PDE8B: variants seen among roughly 807,000 people sequenced by gnomAD.
PDE8B encodes the protein phosphodiesterase 8B.
A neutral mutation model predicts 101.3 loss-of-function variants in PDE8B; 26 were observed. That is an observed-to-expected ratio of 0.26 (90% CI 0.19 to 0.36). The LOEUF (loss-of-function observed/expected upper bound fraction) is 0.36, where lower values mean the gene tolerates loss of function less well. Among genes scored for constraint, PDE8B ranks in the 10% least tolerant of loss-of-function variants. The pLI is 1.00. For synonymous variants in PDE8B, 424 were observed against 429.3 expected (o/e 0.99, Z 0.15); for missense variants, 810 against 1,163.1 (o/e 0.70, Z 4.42).
chr5:77,154,275 T>TATC, the PDE8B span, among the ~76,000 whole-genome samples: 2 of 152,244 alleles, frequency 1.3e-5, no homozygotes, highest in Non-Finnish European at 2.9e-5. Flanking sequence ...TCTGAAATGC[T>TATC]ATCAGATATT....
chr5:77,128,220 C>A, the PDE8B span, among the ~76,000 whole-genome samples: 15 of 152,190 alleles, frequency 9.9e-5, no homozygotes, highest in Non-Finnish European at 1.9e-4. Flanking sequence ...CAGGTGAGAA[C>A]CTTAATTGTG....
the PDE8B span, among the ~76,000 whole-genome samples, chr5:77,123,629 C>T: frequency 6.6e-6 from 1 of 151,990 alleles, no homozygotes; most frequent in African/African-American, 2.4e-5. Flanking sequence ...TGTGGTGGTG[C>T]ACACCTGTGG....
intron 1 of PDE8B, among the ~76,000 whole-genome samples, chr5:77,283,032 A>T (rs1765326606): frequency 6.6e-6 from 1 of 152,172 alleles, no homozygotes; most frequent in Non-Finnish European, 1.5e-5. Context: ...CAATCTTATT[A>T]AATTCCCTGT....
intron 1 of PDE8B, among the ~76,000 whole-genome samples, chr5:77,239,404 G>T (rs779959094): frequency 2.0e-5 from 3 of 152,162 alleles, no homozygotes; most frequent in Non-Finnish European, 4.4e-5. Flanking sequence ...TTTAGTGTTA[G>T]ATCCATATAT....
Position 77,211,934 on chromosome 5 carries a change from G to A in PDE8B, c.339+670G>A. On this transcript the variant is annotated intron_variant, in intron 1 of 21. Transcript: ENST00000264917. This position sits in a 1 kb window ranked among gnomAD's most constrained non-coding sequence, Gnocchi z 4.1. The stretch of plus-strand genomic sequence containing the variant: ...TTCGGAGTGTCAGCAGAGCCACCGT[G>A]AGGGGACGTGGTTTCCAGTGCAGTA... Among the ~76,000 whole-genome samples, 1 of 152,304 alleles carries A rather than the reference G, an allele frequency of 6.6e-6. No individual in the cohort carries two copies. Among genetic ancestry groups the A allele is most frequent in the East Asian group, 1.9e-4 (1 of 5,182 alleles).
chr5:77,087,176 T>C, the PDE8B span: 1 of 152,346 alleles, frequency 6.6e-6, no homozygotes, highest in Non-Finnish European at 1.5e-5. Context: ...TAGATCCCCC[T>C]CCAGGCGCCT....
chr5:77,393,334 C>G (rs1054731449), intron 10 of PDE8B, among the ~76,000 whole-genome samples: 1 of 151,310 alleles, frequency 6.6e-6, no homozygotes, highest in African/African-American at 2.4e-5. Flanking sequence ...GCAGAAGTTG[C>G]AGTGAGCCAA....
At chr5:77,275,610 T>A (rs982872205) in intron 1 of PDE8B, among the ~76,000 whole-genome samples, 19 of 152,130 alleles carry the variant, frequency 1.2e-4, no homozygotes, top group Admixed American at 1.2e-3. Flanking sequence ...ACTCAAGAAG[T>A]TATGGATTTG....
intron 1 of PDE8B, among the ~76,000 whole-genome samples, chr5:77,297,360 CT>C (rs1768829483): frequency 6.6e-6 from 1 of 152,196 alleles, no homozygotes; most frequent in Non-Finnish European, 1.5e-5. Flanking sequence ...CACTCATCAT[CT>C]TTTGTCAACA....
intron 1 of PDE8B, among the ~76,000 whole-genome samples, chr5:77,213,428 A>T (rs1748927562): frequency 6.6e-6 from 1 of 152,230 alleles, no homozygotes; most frequent in African/African-American, 2.4e-5. Flanking sequence ...GAACTGCCCT[A>T]ATATATTTAA....
At chr5:77,127,136 T>G in the PDE8B span, among the ~76,000 whole-genome samples, 2 of 152,200 alleles carry the variant, frequency 1.3e-5, no homozygotes, top group African/African-American at 4.8e-5. Context: ...TTATCCAGGT[T>G]CCTGCCTGTA....
chr5:77,409,694 T>G (rs1372462489), intron 14 of PDE8B, among the ~76,000 whole-genome samples: 1 of 152,134 alleles, frequency 6.6e-6, no homozygotes, highest in Non-Finnish European at 1.5e-5. Flanking sequence ...TTCATAATTA[T>G]CTATCAGCAA....
At chr5:77,419,290 C>T (rs540184798) in intron 18 of PDE8B, among the ~76,000 whole-genome samples, 1 of 152,300 alleles carries the variant, frequency 6.6e-6, no homozygotes, top group South Asian at 2.1e-4. Flanking sequence ...CAATTTCTAT[C>T]TGCTGCAGTC....
chr5:77,187,485 A>AG, the PDE8B span, among the ~76,000 whole-genome samples: 1 of 152,184 alleles, frequency 6.6e-6, no homozygotes, highest in Non-Finnish European at 1.5e-5. Flanking sequence ...GAAAAAAAAA[A>AG]TCAAAGCAGT....
chr5:77,126,479 G>T, the PDE8B span, among the ~76,000 whole-genome samples: 1 of 152,088 alleles, frequency 6.6e-6, no homozygotes, highest in South Asian at 2.1e-4. Context: ...AGGCTGGAGT[G>T]CAGTGGCACA....
intron 1 of PDE8B, among the ~76,000 whole-genome samples, chr5:77,272,591 C>T (rs1211996355): frequency 6.6e-6 from 1 of 152,200 alleles, no homozygotes; most frequent in Non-Finnish European, 1.5e-5. Flanking sequence ...GCTATCTTCT[C>T]TGAGCTACTG....
intron 6 of PDE8B, among the ~76,000 whole-genome samples, chr5:77,343,176 GT>G (rs1171315743): frequency 1.3e-5 from 2 of 152,130 alleles, no homozygotes; most frequent in African/African-American, 2.4e-5. Context: ...TGAAAGATTA[GT>G]TTTTTTCCCT....
At chr5:77,290,341 G>C in intron 1 of PDE8B, 1 of 1,467,752 alleles carries the variant, frequency 6.8e-7, no homozygotes. Context: ...GAAAATGAGG[G>C]CGTGTATAAT....
chr5:77,129,636 T>C, the PDE8B span, among the ~76,000 whole-genome samples: 1 of 152,206 alleles, frequency 6.6e-6, no homozygotes, highest in Non-Finnish European at 1.5e-5. Flanking sequence ...TTCACAGTAA[T>C]TTGCTGTGGA....
Sources: allele counts gnomAD v4.1 joint callset (sites outside exome capture counted in the v4.1 genomes callset), GRCh38; gene constraint gnomAD v4.1.1; non-coding constraint Gnocchi (gnomAD v3.1); transcripts MANE v1.5; gene names NCBI Gene and HGNC (gene_info 2026-07-23, HGNC 2026-07-21).